The following SNX29 variants were observed in gnomAD, a reference collection of about 807,000 sequenced individuals.
SNX29 encodes the protein sorting nexin-29.
In SNX29, 78 loss-of-function variants were observed where a neutral mutation model predicts 102.1. The ratio of observed to expected loss-of-function variants is 0.76; its 90% CI spans 0.64 to 0.92. The LOEUF is 0.92. SNX29 is among the 40% of genes least tolerant of loss of function. SNX29 has a pLI of 0.00. For missense variants in SNX29, 1,280 were observed against 1,061.7 expected (o/e 1.21, Z -2.86); for synonymous variants, 580 against 414.5 (o/e 1.40, Z -4.85).
intron 1 of SNX29, among the ~76,000 whole-genome samples, chr16:11,987,543 C>T (rs539499809): frequency 4.3e-4 from 66 of 151,874 alleles, no homozygotes; most frequent in Non-Finnish European, 1.0e-4. Flanking sequence ...ACTACAGGTG[C>T]GTGCCACCAC....
intron 15 of SNX29, among the ~76,000 whole-genome samples, chr16:12,304,179 T>C (rs1170489887): frequency 6.7e-6 from 1 of 149,138 alleles, no homozygotes; most frequent in Non-Finnish European, 1.5e-5. Context: ...TCACTGTTTT[T>C]TGTTTTTTTT....
At chr16:12,504,264 A>G (rs935976602) in intron 19 of SNX29, among the ~76,000 whole-genome samples, 6 of 152,240 alleles carry the variant, frequency 3.9e-5, no homozygotes, top group Non-Finnish European at 8.8e-5. Flanking sequence ...TTCATGTACC[A>G]GGTGATTCAC....
chr16:12,487,204 C>T (rs2088286524), intron 19 of SNX29, among the ~76,000 whole-genome samples: 1 of 152,140 alleles, frequency 6.6e-6, no homozygotes, highest in South Asian at 2.1e-4. Flanking sequence ...AGGTAAGGGG[C>T]ATTGGGCTGG....
At chr16:12,138,101 T>C (rs2054728574) in intron 13 of SNX29, among the ~76,000 whole-genome samples, 1 of 151,856 alleles carries the variant, frequency 6.6e-6, no homozygotes, top group Non-Finnish European at 1.5e-5. Flanking sequence ...GAATTTGCCA[T>C]CCATATGCTA....
intron 18 of SNX29, among the ~76,000 whole-genome samples, chr16:12,417,178 C>T (rs1222730035): frequency 6.6e-6 from 1 of 152,214 alleles, no homozygotes; most frequent in South Asian, 2.1e-4. Flanking sequence ...CCGTATCTTA[C>T]TGTTTATGAA....
chr16:12,291,603 C>T (rs2151064346), intron 15 of SNX29, among the ~76,000 whole-genome samples: 1 of 152,338 alleles, frequency 6.6e-6, no homozygotes, highest in Middle Eastern at 3.4e-3. Context: ...TCCAGGTTCA[C>T]ATTCATAGGA....
chr16:12,568,462 T>C (rs1236797512), intron 20 of SNX29, 44 bp from the exon 21 acceptor site: 4 of 1,603,464 alleles, frequency 2.5e-6, no homozygotes, highest in African/African-American at 2.7e-5. Context: ...GGTCATTTGC[T>C]TTTCATCCCC....
intron 2 of SNX29, chr16:12,000,404 C>T (rs900560084): frequency 6.6e-6 from 1 of 152,164 alleles, no homozygotes; most frequent in Non-Finnish European, 1.5e-5. Context: ...AGAGGCAGAG[C>T]TAGGATCCAA....
chr16:12,346,280 C>T (rs1328502979), intron 15 of SNX29, among the ~76,000 whole-genome samples: 1 of 152,116 alleles, frequency 6.6e-6, no homozygotes, highest in Non-Finnish European at 1.5e-5. Context: ...ACCAGTGGTA[C>T]TGGACACTTC....
At chr16:12,152,642 C>G (rs978326758) in intron 13 of SNX29, among the ~76,000 whole-genome samples, 3 of 152,216 alleles carry the variant, frequency 2.0e-5, no homozygotes, top group Non-Finnish European at 2.9e-5. Flanking sequence ...CAGAAAAAGA[C>G]TGACCTGTAC....
At chr16:12,452,397 G>A (rs1422032054) in intron 18 of SNX29, among the ~76,000 whole-genome samples, 6 of 19,006 alleles carry the variant, frequency 3.2e-4, no homozygotes, top group Admixed American at 5.7e-4. Context: ...GCGGGTAGCC[G>A]TCAAATGGTA....
At chr16:12,119,219 G>A (rs1596960879) in intron 11 of SNX29, among the ~76,000 whole-genome samples, 1 of 152,148 alleles carries the variant, frequency 6.6e-6, no homozygotes, top group Non-Finnish European at 1.5e-5. Context: ...CCTTAGCCGG[G>A]GTCCTCTCGT....
chr16:12,189,761 T>A, intron 13 of SNX29, among the ~76,000 whole-genome samples: 1 of 152,072 alleles, frequency 6.6e-6, no homozygotes, highest in Non-Finnish European at 1.5e-5. Context: ...ACTATCACTG[T>A]TTTGATGCCC....
intron 20 of SNX29, among the ~76,000 whole-genome samples, chr16:12,528,692 C>G (rs528622354): frequency 1.3e-5 from 2 of 152,328 alleles, no homozygotes; most frequent in South Asian, 4.1e-4. Context: ...CTACCTGGCT[C>G]TGGAGTTTGC....
rs545402153 is a variant in SNX29 at position 12,526,113 on chromosome 16, T to C, written c.2318+1272T>C. ...AATCCATAGAGAAGACCTGTGGGATTGGGACTTATTCGAGAAGCACTGTTC... is the reference window on the plus strand; with the variant it reads ...AATCCATAGAGAAGACCTGTGGGATCGGGACTTATTCGAGAAGCACTGTTC... On this transcript the variant is annotated intron_variant, in intron 20 of 20. Transcript: ENST00000566228. 3.2e-4 allele frequency among the ~76,000 whole-genome samples: 48 copies of C among 152,350 alleles called. 1 individual carries two copies. The highest frequency in any genetic ancestry group is 5.9e-4 in the Admixed American group (9 of 15,304).
intron 20 of SNX29, among the ~76,000 whole-genome samples, chr16:12,540,954 G>A (rs2077307471): frequency 6.6e-6 from 1 of 152,012 alleles, no homozygotes; most frequent in Non-Finnish European, 1.5e-5. Context: ...CAGGCTGCCT[G>A]TAGTTCAGGC....
chr16:12,212,886 G>A (rs927235096), intron 14 of SNX29, among the ~76,000 whole-genome samples: 1 of 152,220 alleles, frequency 6.6e-6, no homozygotes, highest in African/African-American at 2.4e-5. Context: ...GGCCGAGGTG[G>A]TTGAATCACC....
At position 12,238,467 on chromosome 16, in the gene SNX29, A is replaced by G. The variant is rs553111908; in HGVS notation, c.1678+38784A>G. 4.0e-4 allele frequency among the ~76,000 whole-genome samples: 61 copies of G among 152,112 alleles called. 1 individual carries two copies. The highest frequency in any genetic ancestry group is 1.2e-4 in the Non-Finnish European group (8 of 68,006). On this transcript the variant is annotated intron_variant, in intron 14 of 20. Transcript: ENST00000566228. ...CAGCCTCCCGAGTAGCTGGGATTAC[A>G]GCCACGTGCCACCATGCCGGCCAAT...
intron 5 of SNX29, among the ~76,000 whole-genome samples, chr16:12,044,611 C>G (rs2050015567): frequency 1.3e-5 from 2 of 152,124 alleles, no homozygotes; most frequent in South Asian, 2.1e-4. Context: ...AGAAGTCTCG[C>G]TTTTTTGCCT....
Sources: allele counts gnomAD v4.1 joint callset (sites outside exome capture counted in the v4.1 genomes callset), GRCh38; gene constraint gnomAD v4.1.1; transcripts MANE v1.5; gene names NCBI Gene and HGNC (gene_info 2026-07-23, HGNC 2026-07-21).